The following WDR7 variants were observed in gnomAD, a reference collection of about 807,000 sequenced individuals.
WDR7 encodes WD repeat-containing protein 7.
In WDR7, 46 loss-of-function variants were observed where a neutral mutation model predicts 169.4. The observed-to-expected ratio is 0.27, with a 90% CI of 0.21 to 0.35. The LOEUF (loss-of-function observed/expected upper bound fraction) is 0.35, where lower values mean the gene tolerates loss of function less well. Ranked by LOEUF, WDR7 falls within the 10% of genes least tolerant of loss-of-function variation. WDR7 has a pLI of 1.00. For missense variants in WDR7, 1,534 were observed against 1,859.3 expected, an observed-to-expected ratio of 0.83 and a Z score of 3.22; for synonymous variants, 612 against 666.8, an observed-to-expected ratio of 0.92 and a Z score of 1.27.
At chr18:56,699,595 A>AT (rs2144658314) in intron 12 of WDR7, among the ~76,000 whole-genome samples, 1 of 152,262 alleles carries the variant, frequency 6.6e-6, no homozygotes, top group African/African-American at 2.4e-5. Context: ...ACTTCTTGTA[A>AT]TTATTTGTTC....
intron 25 of WDR7, among the ~76,000 whole-genome samples, chr18:56,942,540 T>G (rs1271370504): frequency 6.6e-6 from 1 of 152,246 alleles, no homozygotes; most frequent in African/African-American, 2.4e-5. Flanking sequence ...GGTAACATTT[T>G]TATTAATCTT....
chr18:56,996,339 T>G (rs3760599), intron 26 of WDR7, among the ~76,000 whole-genome samples: 2 of 152,072 alleles, frequency 1.3e-5, no homozygotes, highest in African/African-American at 4.8e-5. Context: ...CATATAATTA[T>G]AGAGAGAAGA....
chr18:56,910,153 T>C (rs1012107798), intron 21 of WDR7, among the ~76,000 whole-genome samples: 1 of 152,136 alleles, frequency 6.6e-6, no homozygotes, highest in Admixed American at 6.6e-5. Context: ...TAAAAGAAAA[T>C]TGCATAAAAG....
intron 14 of WDR7, among the ~76,000 whole-genome samples, chr18:56,732,549 T>C (rs1313481436): frequency 6.6e-6 from 1 of 152,208 alleles, no homozygotes; most frequent in Non-Finnish European, 1.5e-5. Context: ...CATGAAATAC[T>C]GTAGGCAGTT....
intron 19 of WDR7, among the ~76,000 whole-genome samples, chr18:56,790,606 C>T (rs900395603): frequency 6.6e-6 from 1 of 151,866 alleles, no homozygotes; most frequent in Non-Finnish European, 1.5e-5. Flanking sequence ...CAAATTATAC[C>T]TAAATATCTT....
chr18:56,981,221 TCA>T (rs946331478), intron 26 of WDR7, among the ~76,000 whole-genome samples: 5 of 152,270 alleles, frequency 3.3e-5, no homozygotes, highest in Middle Eastern at 6.8e-3. Flanking sequence ...TGAGGATAAT[TCA>T]CAGTTTTTGG....
chr18:56,825,158 C>T (rs183915768), intron 20 of WDR7, among the ~76,000 whole-genome samples: 24 of 152,340 alleles, frequency 1.6e-4, no homozygotes, highest in African/African-American at 5.3e-4. Flanking sequence ...AGGATGGATT[C>T]TGTCAGCAAA....
intron 1 of WDR7, among the ~76,000 whole-genome samples, chr18:56,652,349 G>A (rs2024674708): frequency 6.6e-6 from 1 of 152,094 alleles, no homozygotes; most frequent in South Asian, 2.1e-4. Flanking sequence ...TGTAATATTT[G>A]CCATGAGACA....
intron 1 of WDR7, among the ~76,000 whole-genome samples, chr18:56,656,465 A>G (rs1305007670): frequency 1.3e-5 from 2 of 151,758 alleles, no homozygotes; most frequent in African/African-American, 2.4e-5. Context: ...ATTTTAGTAG[A>G]GATGGGGTTT....
intron 14 of WDR7, among the ~76,000 whole-genome samples, chr18:56,743,168 A>G (rs1242255960): frequency 6.6e-6 from 1 of 152,136 alleles, no homozygotes; most frequent in Non-Finnish European, 1.5e-5. Context: ...CACGTGTGAT[A>G]TCGAATGTAA....
intron 20 of WDR7, among the ~76,000 whole-genome samples, chr18:56,854,425 C>T (rs554402508): frequency 6.6e-6 from 1 of 152,320 alleles, no homozygotes; most frequent in East Asian, 1.9e-4. Context: ...GACATGGAGC[C>T]TCCATGCCCA....
chr18:56,658,749 G>A (rs1318744440), intron 1 of WDR7, among the ~76,000 whole-genome samples: 1 of 152,106 alleles, frequency 6.6e-6, no homozygotes, highest in African/African-American at 2.4e-5. Context: ...GTCTCACTCT[G>A]TTGCTCAGAC....
At chr18:56,917,978 A>G (rs1403112340) in intron 21 of WDR7, among the ~76,000 whole-genome samples, 4 of 152,232 alleles carry the variant, frequency 2.6e-5, no homozygotes, top group African/African-American at 7.2e-5. Flanking sequence ...ATTTCTCAAC[A>G]GCCAGAGGGT....
intron 1 of WDR7, among the ~76,000 whole-genome samples, chr18:56,670,465 A>G (rs1487900960): frequency 6.6e-6 from 1 of 152,132 alleles, no homozygotes; most frequent in Non-Finnish European, 1.5e-5. Context: ...TTCAGTGTTT[A>G]GTACTTATTT....
chr18:56,786,541 A>AG (rs2044403515), intron 19 of WDR7, among the ~76,000 whole-genome samples: 1 of 151,916 alleles, frequency 6.6e-6, no homozygotes. Context: ...AAAAAAAAAA[A>AG]CAAAACAAAG....
At chr18:56,856,038 A>G (rs966952081) in intron 20 of WDR7, among the ~76,000 whole-genome samples, 1 of 152,174 alleles carries the variant, frequency 6.6e-6, no homozygotes, top group Non-Finnish European at 1.5e-5. Flanking sequence ...ACACCGGGTG[A>G]GGGATGGCGA....
At chr18:56,887,296 A>G (rs2046210353) in intron 21 of WDR7, among the ~76,000 whole-genome samples, 1 of 152,096 alleles carries the variant, frequency 6.6e-6, no homozygotes, top group South Asian at 2.1e-4. Flanking sequence ...ATGGGGAGGG[A>G]CTTTTGCATG....
At chr18:56,979,224 T>C (rs1215924375) in intron 26 of WDR7, among the ~76,000 whole-genome samples, 6 of 152,198 alleles carry the variant, frequency 3.9e-5, no homozygotes, top group Admixed American at 3.3e-4. Flanking sequence ...TTACCTAAAA[T>C]CATAACATTT....
intron 22 of WDR7, 138 bp downstream of exon 22, chr18:56,924,246 T>C (rs1568269278): frequency 1.0e-6 from 1 of 1,004,248 alleles, no homozygotes; most frequent in Non-Finnish European, 1.4e-6. Flanking sequence ...ATATGTGAAG[T>C]TTTGAATATG....
Sources: gnomAD v4.1 joint callset for allele counts (sites outside exome capture counted in the v4.1 genomes callset) on GRCh38, gnomAD v4.1.1 for gene constraint, MANE v1.5 for transcripts, NCBI Gene and HGNC (gene_info 2026-07-23, HGNC 2026-07-21) for gene names.